The following GABRA4 variants were observed in gnomAD, a reference collection of about 807,000 sequenced individuals.
GABRA4 encodes the protein gamma-aminobutyric acid receptor subunit alpha-4.
A neutral mutation model predicts 49.7 loss-of-function variants in GABRA4; 12 were observed. The observed-to-expected ratio is 0.24, with a 90% confidence interval of 0.15 to 0.39. GABRA4 has a LOEUF of 0.39. GABRA4 is among the 10% of genes least tolerant of loss of function. The pLI is 1.00. For missense variants in GABRA4, 506 were observed against 686.0 expected (o/e 0.74, Z 2.93); for synonymous variants, 288 against 240.2 (o/e 1.20, Z -1.84).
At chr4:46,940,487 A>G (rs1560465249) in intron 8 of GABRA4, among the ~76,000 whole-genome samples, 1 of 152,128 alleles carries the variant, frequency 6.6e-6, no homozygotes, top group African/African-American at 2.4e-5. Context: ...GTAGCAGAAG[A>G]GGATTCATTA....
chr4:46,942,987 C>A (rs1721867968), intron 8 of GABRA4, among the ~76,000 whole-genome samples: 2 of 151,988 alleles, frequency 1.3e-5, no homozygotes, highest in South Asian at 4.2e-4. Context: ...AGAGTCATAC[C>A]AAACTTTTAA....
chr4:46,940,546 C>T (rs1485543537), intron 8 of GABRA4, among the ~76,000 whole-genome samples: 2 of 151,938 alleles, frequency 1.3e-5, no homozygotes, highest in African/African-American at 2.4e-5. Flanking sequence ...GTCCTCTCCC[C>T]CCTAGTCTTT....
intron 8 of GABRA4, among the ~76,000 whole-genome samples, chr4:46,941,408 G>C (rs1390203299): frequency 6.6e-6 from 1 of 152,074 alleles, no homozygotes; most frequent in Non-Finnish European, 1.5e-5. Context: ...CCTGAGTACA[G>C]TGAGAATAAT....
chr4:46,971,285 G>T lies in GABRA4; in HGVS notation c.722-50C>A, dbSNP rs759723801. 10 of 1,528,760 alleles carry T rather than the reference G, an allele frequency of 6.5e-6. No homozygotes were observed. In the South Asian group the frequency reaches 9.2e-5, roughly 14 times the overall value. The allele number at this position is 1,528,760 out of a possible 1,614,324, so 94.7% of individuals were successfully genotyped here. On this transcript the variant is annotated intron_variant, in intron 6 of 8. Coordinates refer to ENST00000264318, the MANE Select transcript of GABRA4 (RefSeq NM_000809.4). Reference sequence around the variant, plus strand: ...GTGTTATCGGTTCTGCAGGCAATTAGTCAATGGCTTCATAAACATATTTCA... The same window carrying T: ...GTGTTATCGGTTCTGCAGGCAATTATTCAATGGCTTCATAAACATATTTCA...
intron 8 of GABRA4, among the ~76,000 whole-genome samples, chr4:46,961,886 T>C (rs138385229): frequency 1.3e-5 from 2 of 151,904 alleles, no homozygotes; most frequent in East Asian, 3.9e-4. Context: ...CGCTGCTTGT[T>C]TGCTTCTATG....
At chr4:46,984,683 G>T (rs1015872976) in intron 2 of GABRA4, among the ~76,000 whole-genome samples, 1 of 151,922 alleles carries the variant, frequency 6.6e-6, no homozygotes, top group African/African-American at 2.4e-5. Context: ...GATTGGAAAA[G>T]ATATTCAACC....
At chr4:46,942,074 T>A (rs1188430675) in intron 8 of GABRA4, among the ~76,000 whole-genome samples, 1 of 152,190 alleles carries the variant, frequency 6.6e-6, no homozygotes, top group Non-Finnish European at 1.5e-5. Context: ...TTTAATTTGT[T>A]GATTCATCCA....
chr4:46,984,346 A>T (rs1017442197), intron 2 of GABRA4, among the ~76,000 whole-genome samples: 2 of 152,120 alleles, frequency 1.3e-5, no homozygotes, highest in Non-Finnish European at 2.9e-5. Flanking sequence ...ATCCTAACTG[A>T]AATACATTAA....
intron 8 of GABRA4, among the ~76,000 whole-genome samples, chr4:46,935,777 C>T (rs376734146): frequency 1.3e-5 from 2 of 152,092 alleles, no homozygotes; most frequent in Admixed American, 1.3e-4. Flanking sequence ...TGTAACAAAC[C>T]TGCACGTTCT....
At chr4:46,984,530 C>A (rs1723467443) in intron 2 of GABRA4, among the ~76,000 whole-genome samples, 1 of 151,894 alleles carries the variant, frequency 6.6e-6, no homozygotes, top group Non-Finnish European at 1.5e-5. Context: ...GTCATATAAT[C>A]CATCAATCCT....
At chr4:46,941,211 C>T (rs1436235558) in intron 8 of GABRA4, among the ~76,000 whole-genome samples, 1 of 151,862 alleles carries the variant, frequency 6.6e-6, no homozygotes. Context: ...TTGTATAAAA[C>T]AAATCTTAAA....
chr4:46,944,983 G>C (rs1721935687), intron 8 of GABRA4, among the ~76,000 whole-genome samples: 1 of 152,092 alleles, frequency 6.6e-6, no homozygotes, highest in African/African-American at 2.4e-5. Context: ...AAAAATAAAT[G>C]ATGAGTAAAC....
At chr4:46,966,133 C>T (rs1722744286) in intron 7 of GABRA4, among the ~76,000 whole-genome samples, 1 of 151,734 alleles carries the variant, frequency 6.6e-6, no homozygotes, top group African/African-American at 2.4e-5. Context: ...AATATTTGAA[C>T]TCTTGTCTAT....
chr4:46,919,159 T>A lies in GABRA4; in HGVS notation c.*9066A>T, dbSNP rs1720884766. ...TTTGTTTTAAGAAGCAAAGTAACTC[T>A]ATTACCATAAGTAATAAGTTGAGCT... On this transcript the variant is annotated 3_prime_UTR_variant, in exon 9 of 9. Transcript: ENST00000264318. 6.6e-6 allele frequency: 1 copy of A among 151,592 alleles called. No individual in the cohort carries two copies. The highest frequency in any genetic ancestry group is 2.4e-5 in the African/African-American group (1 of 41,426). 9.4% of individuals were successfully genotyped at this position (151,592 alleles called of 1,614,324 possible).
intron 6 of GABRA4, among the ~76,000 whole-genome samples, chr4:46,973,774 A>G (rs547126628): frequency 5.3e-5 from 8 of 151,840 alleles, no homozygotes; most frequent in Non-Finnish European, 1.0e-4. Context: ...ATGTATACCC[A>G]TAATATACTT....
intron 5 of GABRA4, among the ~76,000 whole-genome samples, chr4:46,975,667 A>G (rs1394993229): frequency 6.6e-6 from 1 of 151,960 alleles, no homozygotes; most frequent in Non-Finnish European, 1.5e-5. Context: ...ACCCTGATTG[A>G]ACACGAACTA....
chr4:46,931,997 T>G (rs12508654), intron 8 of GABRA4, among the ~76,000 whole-genome samples: 57,428 of 152,062 alleles, frequency 0.38, 11,164 homozygotes, highest in South Asian at 0.44. Flanking sequence ...AGTATCATTT[T>G]TTTTGTTATG....
At chr4:46,990,815 C>T (rs1399599236) in intron 2 of GABRA4, among the ~76,000 whole-genome samples, 1 of 152,184 alleles carries the variant, frequency 6.6e-6, no homozygotes, top group East Asian at 1.9e-4. Context: ...GTGTAGGCAA[C>T]CTATCCCTGG....
intron 4 of GABRA4, 54 bp downstream of exon 4, chr4:46,977,356 A>T: frequency 9.8e-7 from 1 of 1,021,232 alleles, no homozygotes; most frequent in Non-Finnish European, 1.4e-6. Context: ...AAGAAAGGAA[A>T]GGAAAGAAAG....
Sources: allele counts gnomAD v4.1 joint callset (sites outside exome capture counted in the v4.1 genomes callset), GRCh38; gene constraint gnomAD v4.1.1; transcripts MANE v1.5; gene names NCBI Gene and HGNC (gene_info 2026-07-23, HGNC 2026-07-21).